SHC4: variants seen among roughly 807,000 people sequenced by gnomAD.
The protein encoded by SHC4 is SHC adaptor protein 4, also known as SHC-transforming protein 4.
In SHC4, 41 loss-of-function variants were observed where a neutral mutation model predicts 69.4. The ratio of observed to expected loss-of-function variants is 0.59; its 90% CI spans 0.46 to 0.77. The LOEUF (loss-of-function observed/expected upper bound fraction) is 0.77. Among genes scored for constraint, SHC4 ranks in the 30% least tolerant of loss-of-function variants. The probability of loss-of-function intolerance (pLI) is 0.00; values close to 1 mark genes in which losing one functional copy is unlikely to be tolerated. For missense variants in SHC4, 777 were observed against 783.8 expected (o/e 0.99, Z 0.10); for synonymous variants, 318 against 299.3 (o/e 1.06, Z -0.64).
At chr15:48,880,856 A>G (rs1024024735) in intron 4 of SHC4, among the ~76,000 whole-genome samples, 20 of 152,116 alleles carry the variant, frequency 1.3e-4, no homozygotes, top group African/African-American at 4.8e-4. Flanking sequence ...CTTGGTTAAA[A>G]TTTGGGTTCT....
intron 2 of SHC4, among the ~76,000 whole-genome samples, chr15:48,901,029 A>G (rs539812601): frequency 6.6e-6 from 1 of 152,332 alleles, no homozygotes; most frequent in South Asian, 2.1e-4. Flanking sequence ...CAATCCATAA[A>G]CAAATGGATG....
At chr15:48,933,125 A>C (rs2141029273) in intron 1 of SHC4, among the ~76,000 whole-genome samples, 1 of 152,284 alleles carries the variant, frequency 6.6e-6, no homozygotes, top group African/African-American at 2.4e-5. Flanking sequence ...AGATTAGGAC[A>C]AACTTGGAAC....
chr15:48,897,934 GTCTT>G (rs962976788), intron 2 of SHC4, among the ~76,000 whole-genome samples: 15 of 152,266 alleles, frequency 9.9e-5, no homozygotes, highest in African/African-American at 2.9e-4. Flanking sequence ...TTTCCCAAAG[GTCTT>G]TCTTTCACTT....
At chr15:48,940,656 C>T (rs2141033430) in intron 1 of SHC4, among the ~76,000 whole-genome samples, 1 of 152,274 alleles carries the variant, frequency 6.6e-6, no homozygotes, top group East Asian at 1.9e-4. Context: ...GTTTCAATCT[C>T]CCCAGCGCTC....
intron 1 of SHC4, among the ~76,000 whole-genome samples, chr15:48,954,169 G>T (rs940645636): frequency 3.3e-5 from 5 of 152,158 alleles, no homozygotes; most frequent in Admixed American, 1.3e-4. Context: ...GGCCTTGCAG[G>T]CTGTTTAGCT....
intron 2 of SHC4, among the ~76,000 whole-genome samples, chr15:48,904,339 T>C (rs1900367946): frequency 6.6e-6 from 1 of 152,224 alleles, no homozygotes; most frequent in African/African-American, 2.4e-5. Context: ...TAATATCTAT[T>C]TTATAAATGT....
chr15:48,841,666 T>C (rs1898990677), intron 10 of SHC4, among the ~76,000 whole-genome samples: 1 of 152,164 alleles, frequency 6.6e-6, no homozygotes, highest in Non-Finnish European at 1.5e-5. Context: ...GTCAGGCCTG[T>C]GTTGTAGTCC....
At chr15:48,851,548 C>G (rs1259636741) in intron 8 of SHC4, among the ~76,000 whole-genome samples, 1 of 152,080 alleles carries the variant, frequency 6.6e-6, no homozygotes, top group African/African-American at 2.4e-5. Context: ...AGAACTCAAT[C>G]CAAGTCTCAG....
At chr15:48,907,770 T>C (rs983414934) in intron 2 of SHC4, among the ~76,000 whole-genome samples, 1 of 134,832 alleles carries the variant, frequency 7.4e-6, no homozygotes, top group African/African-American at 2.8e-5. Flanking sequence ...TAGTATTCCA[T>C]CATATATATA....
At chr15:48,894,497 CA>C (rs1167301866) in intron 2 of SHC4, among the ~76,000 whole-genome samples, 1 of 152,130 alleles carries the variant, frequency 6.6e-6, no homozygotes, top group African/African-American at 2.4e-5. Flanking sequence ...AGGTGACACC[CA>C]TAGAGAGACG....
Position 48,824,952 on chromosome 15 carries a change from T to C in SHC4, c.*1019A>G, listed in dbSNP as rs1254817562. The C allele has an allele frequency of 1.3e-5, 2 of 152,462 alleles. No homozygotes were observed. Among genetic ancestry groups the C allele is most frequent in the African/African-American group, 2.4e-5 (1 of 41,388 alleles). 9.4% of individuals were successfully genotyped at this position (152,462 alleles called of 1,614,324 possible). A position where few individuals can be genotyped will look rare whatever the true frequency, so the allele number is the denominator to read the frequency against. ...TGTTTTTTTTTCCTTCTGCATTTTG[T>C]CTGATCATATCTATACGAGGTGCTA... On this transcript the variant is annotated 3_prime_UTR_variant, in exon 12 of 12. Coordinates refer to ENST00000332408, the MANE Select transcript of SHC4 (RefSeq NM_203349.4).
chr15:48,954,823 C>T (rs1901418105), intron 1 of SHC4, among the ~76,000 whole-genome samples: 1 of 152,220 alleles, frequency 6.6e-6, no homozygotes, highest in Non-Finnish European at 1.5e-5. Context: ...CCACTTGGGA[C>T]CTACTGTGAG....
chr15:48,850,425 G>A (rs2140978802), intron 9 of SHC4, among the ~76,000 whole-genome samples: 1 of 152,168 alleles, frequency 6.6e-6, no homozygotes, highest in Admixed American at 6.5e-5. Flanking sequence ...CCTTGGAAGT[G>A]ACTACCTTGT....
chr15:48,878,067 T>G, intron 4 of SHC4: 1 of 1,417,020 alleles, frequency 7.1e-7, no homozygotes, highest in South Asian at 1.4e-5. Flanking sequence ...GGACCACGCC[T>G]GCGCGCGGGG....
intron 10 of SHC4, among the ~76,000 whole-genome samples, chr15:48,839,476 C>A (rs1898954564): frequency 6.8e-6 from 1 of 146,744 alleles, no homozygotes; most frequent in Non-Finnish European, 1.5e-5. Flanking sequence ...TCTGGATCCA[C>A]AGATGACAGT....
rs147142973 is a variant in SHC4 at position 48,937,255 on chromosome 15, G to A, written c.586-12306C>T. ...TTATTTTTATTTTTGTAGAGATGGG[G>A]TCTCATTATGTTGCCCAGGTGATCT... On this transcript the variant is annotated intron_variant, in intron 1 of 11. Coordinates refer to ENST00000332408, the MANE Select transcript of SHC4 (RefSeq NM_203349.4). Among the ~76,000 whole-genome samples, 8 of 152,244 alleles carry A rather than the reference G, an allele frequency of 5.3e-5. No individual in the cohort carries two copies. The East Asian group carries it at 1.5e-3, about 29-fold the overall frequency.
chr15:48,937,601 T>G (rs1901097022), intron 1 of SHC4, among the ~76,000 whole-genome samples: 1 of 151,874 alleles, frequency 6.6e-6, no homozygotes, highest in African/African-American at 2.4e-5. Context: ...GATAGATAGA[T>G]AGATAGATAG....
chr15:48,897,935 T>G (rs1257216947), intron 2 of SHC4, among the ~76,000 whole-genome samples: 2 of 152,130 alleles, frequency 1.3e-5, no homozygotes, highest in African/African-American at 4.8e-5. Flanking sequence ...TTCCCAAAGG[T>G]CTTTCTTTCA....
rs751129249 is a variant in SHC4 at position 48,872,085 on chromosome 15, T to G, written c.894+4A>C. ...AAAAAGAACTTCTGTGAATCCATAC[T>G]TACAGGATCCCCTCCAGAGGCAAAT... is the stretch of plus-strand genomic sequence containing the variant. On this transcript the variant is annotated splice_donor_region_variant and intron_variant, in intron 5 of 11. Coordinates refer to ENST00000332408, the MANE Select transcript of SHC4 (RefSeq NM_203349.4). The G allele has an allele frequency of 1.3e-6, 2 of 1,581,872 alleles. No homozygotes were observed. The highest frequency in any genetic ancestry group is 2.3e-5 in the South Asian group (2 of 87,742).
Sources: gnomAD v4.1 joint callset for allele counts (sites outside exome capture counted in the v4.1 genomes callset) on GRCh38, gnomAD v4.1.1 for gene constraint, MANE v1.5 for transcripts, NCBI Gene and HGNC (gene_info 2026-07-23, HGNC 2026-07-21) for gene names.